Variants in AP2S1 observed in about 807,000 individuals in gnomAD.
AP2S1 encodes the protein adaptor related protein complex 2 subunit sigma 1, also known as AP-2 complex subunit sigma.
A neutral mutation model predicts 21.0 loss-of-function variants in AP2S1; 6 were observed. The ratio of observed to expected loss-of-function variants is 0.29; its 90% CI spans 0.16 to 0.56. The LOEUF (loss-of-function observed/expected upper bound fraction) is 0.56, where lower values mean the gene tolerates loss of function less well. Ranked by LOEUF, AP2S1 falls within the 20% of genes least tolerant of loss-of-function variation. The pLI is 0.92. For synonymous variants in AP2S1, 63 were observed against 74.6 expected (o/e 0.84, Z 0.80); for missense variants, 60 against 186.2 (o/e 0.32, Z 3.95).
At chr19:46,841,657 C>T (rs777635174) in intron 2 of AP2S1, among the ~76,000 whole-genome samples, 5 of 152,236 alleles carry the variant, frequency 3.3e-5, no homozygotes, top group African/African-American at 2.4e-5. Context: ...ACACTGTGTC[C>T]TCCATGTTGC....
At chr19:46,846,441 G>GTTTTTT (rs1229404009) in intron 1 of AP2S1, among the ~76,000 whole-genome samples, 2 of 104,656 alleles carry the variant, frequency 1.9e-5, no homozygotes, top group Non-Finnish European at 3.8e-5. Flanking sequence ...ATCTCTCTCT[G>GTTTTTT]TTTTTTTTTT....
intron 1 of AP2S1, chr19:46,850,177 A>G (rs1409899565): frequency 8.1e-7 from 1 of 1,232,278 alleles, no homozygotes; most frequent in Non-Finnish European, 1.0e-6. Context: ...CAGACCCTTA[A>G]GTTTCATTCC....
At chr19:46,840,786 C>T (rs8112213) in intron 2 of AP2S1, among the ~76,000 whole-genome samples, 36,372 of 142,568 alleles carry the variant, frequency 0.26, 4,808 homozygotes, top group Middle Eastern at 0.32. Context: ...GGCTCGATCT[C>T]GGCTCACTGC....
intron 3 of AP2S1, 93 bp downstream of exon 3, chr19:46,839,372 G>T: frequency 1.4e-6 from 2 of 1,395,978 alleles, no homozygotes; most frequent in Non-Finnish European, 2.0e-6. Flanking sequence ...CAGAGGGAGG[G>T]CTCAGGAGGG....
chr19:46,850,421 C>T, intron 1 of AP2S1: 5 of 1,007,600 alleles, frequency 5.0e-6, no homozygotes, highest in Non-Finnish European at 6.4e-6. Context: ...GACGCCCTCT[C>T]CCCACCTCCA....
At position 46,844,770 on chromosome 19, in the gene AP2S1, C is replaced by T. The variant is rs375891900; in HGVS notation, c.153+1223G>A. 6.9e-4 allele frequency among the ~76,000 whole-genome samples: 105 copies of T among 151,478 alleles called. 2 individuals are homozygous for T. The South Asian group carries it at 0.021, about 30-fold the overall frequency. On this transcript the variant is annotated intron_variant, in intron 2 of 4. Transcript: ENST00000263270. ...AGCCATGTTCGTGCCACTGCACTCC[C>T]GCCTGGGTGACAGAATGAGCTCCTG...
intron 2 of AP2S1, among the ~76,000 whole-genome samples, chr19:46,844,600 C>T (rs550674910): frequency 1.3e-5 from 2 of 151,616 alleles, no homozygotes; most frequent in East Asian, 3.9e-4. Flanking sequence ...GAGTTTGAGA[C>T]CAGCCTGGGC....
chr19:46,844,755 G>A (rs145157092), intron 2 of AP2S1, among the ~76,000 whole-genome samples: 1 of 152,012 alleles, frequency 6.6e-6, no homozygotes, highest in Admixed American at 6.6e-5. Flanking sequence ...AGCCATGTTC[G>A]TGCCACTGCA....
At chr19:46,848,877 T>C (rs2055682956) in intron 1 of AP2S1, among the ~76,000 whole-genome samples, 1 of 151,928 alleles carries the variant, frequency 6.6e-6, no homozygotes, top group Non-Finnish European at 1.5e-5. Context: ...CATGCCCGGC[T>C]AATTTTTGTA....
chr19:46,842,818 C>T (rs1359473623), intron 2 of AP2S1, among the ~76,000 whole-genome samples: 2 of 152,144 alleles, frequency 1.3e-5, no homozygotes, highest in Non-Finnish European at 2.9e-5. Context: ...CTGGGACACC[C>T]AATCTCTTGG....
chr19:46,846,168 G>T, intron 1 of AP2S1, 26 bp from the exon 2 acceptor site: 1 of 1,613,296 alleles, frequency 6.2e-7, no homozygotes, highest in Non-Finnish European at 8.5e-7. Context: ...GGAGAAGGAG[G>T]AAGTGAGAGA....
chr19:46,845,663 A>T (rs1339592390), intron 2 of AP2S1: 1 of 184,060 alleles, frequency 5.4e-6, no homozygotes, highest in African/African-American at 2.3e-5. Context: ...CCAAAAAAAA[A>T]AATTCTTTTT....
chr19:46,847,735 C>T lies in AP2S1; in HGVS notation c.4-1593G>A, dbSNP rs1050456348. 6.6e-5 allele frequency among the ~76,000 whole-genome samples: 10 copies of T among 152,148 alleles called. No individual in the cohort carries two copies. In the East Asian group the frequency reaches 1.5e-3, roughly 23 times the overall value. ...GTCTGGCTTCCTTCACTCAGCGTGA[C>T]GTTTTCCAGGCTCATCTGTGGGGTG... On this transcript the variant is annotated intron_variant, in intron 1 of 4. Coordinates refer to ENST00000263270, the MANE Select transcript of AP2S1 (RefSeq NM_004069.6).
At chr19:46,845,902 A>G in intron 2 of AP2S1, 91 bp downstream of exon 2, 1 of 1,556,010 alleles carries the variant, frequency 6.4e-7, no homozygotes, top group Non-Finnish European at 8.8e-7. Context: ...TAGAGGGTCC[A>G]AGGGGTTCTT....
At chr19:46,839,601 G>A in intron 2 of AP2S1, 23 bp from the exon 3 acceptor site, 3 of 1,614,174 alleles carry the variant, frequency 1.9e-6, no homozygotes, top group African/African-American at 1.3e-5. Flanking sequence ...GAGGCTGTCA[G>A]CAACGGAGAT....
intron 2 of AP2S1, among the ~76,000 whole-genome samples, chr19:46,843,256 G>T (rs372332): frequency 6.6e-6 from 1 of 151,944 alleles, no homozygotes; most frequent in Non-Finnish European, 1.5e-5. Context: ...ATGCTGGTCC[G>T]GTCACCAGCA....
intron 2 of AP2S1, chr19:46,845,721 C>A: frequency 3.3e-6 from 1 of 305,720 alleles, no homozygotes. Flanking sequence ...AACAAAAAGG[C>A]AAAATATTAA....
intron 2 of AP2S1, among the ~76,000 whole-genome samples, chr19:46,844,741 T>C (rs921178498): frequency 6.6e-6 from 1 of 152,106 alleles, no homozygotes; most frequent in African/African-American, 2.4e-5. Flanking sequence ...TCAAGGCTGC[T>C]GTGAGCCATG....
chr19:46,842,239 C>G (rs192218978), intron 2 of AP2S1, among the ~76,000 whole-genome samples: 7 of 152,194 alleles, frequency 4.6e-5, no homozygotes, highest in African/African-American at 1.7e-4. Flanking sequence ...CTACTCCTCC[C>G]TTTGATCTTC....
Sources: allele counts gnomAD v4.1 joint callset (sites outside exome capture counted in the v4.1 genomes callset), GRCh38; gene constraint gnomAD v4.1.1; transcripts MANE v1.5; gene names NCBI Gene and HGNC (gene_info 2026-07-23, HGNC 2026-07-21).